The following DENND1A variants were observed in gnomAD, a reference collection of about 807,000 sequenced individuals.
The protein encoded by DENND1A is DENN domain containing 1A.
In DENND1A, 51 loss-of-function variants were observed where a neutral mutation model predicts 113.7. The ratio of observed to expected loss-of-function variants is 0.45; its 90% confidence interval spans 0.36 to 0.57. The LOEUF is 0.57. Among genes scored for constraint, DENND1A ranks in the 20% least tolerant of loss-of-function variants. The probability of loss-of-function intolerance (pLI) is 0.00; values close to 1 mark genes in which losing one functional copy is unlikely to be tolerated. For synonymous variants in DENND1A, 565 were observed against 570.8 expected (o/e 0.99, Z 0.14); for missense variants, 1,258 against 1,395.9 (o/e 0.90, Z 1.57).
chr9:123,588,644 G>GGGGA (rs2059313741), intron 11 of DENND1A, among the ~76,000 whole-genome samples: 1 of 118,418 alleles, frequency 8.4e-6, no homozygotes, highest in East Asian at 3.0e-4. Flanking sequence ...GGGGGGGGGG[G>GGGGA]AAGAGAAAAG....
rs754417395 is a variant in DENND1A at position 123,383,837 on chromosome 9, G to A, written c.1837C>T (p.Arg613Trp). The A allele has an allele frequency of 6.2e-6, 10 of 1,613,682 alleles. No individual in the cohort carries two copies. In the East Asian group the frequency reaches 8.9e-5, roughly 14 times the overall value. The change falls in exon 23 of 24, where the codon CGG becomes TGG. Residue 613 changes from arginine to tryptophan, a missense_variant. Arg to Trp is a moderately radical substitution (Grantham distance 101). Transcript: ENST00000394215. ...GCTGGGACAGGGCCTGTGGACTTCC[G>A]CACTTGCTGCTCTGGACTCTCTGCC... The part of the protein sequence containing the change: ...DEAESPEQQV[R>W]KSTGPVPAPP...
At chr9:123,877,749 G>A (rs188239936) in intron 2 of DENND1A, among the ~76,000 whole-genome samples, 413 of 151,842 alleles carry the variant, frequency 2.7e-3, no homozygotes, top group African/African-American at 9.7e-3. Context: ...CTTGACCCAG[G>A]AGGCGGAAGC....
intron 2 of DENND1A, among the ~76,000 whole-genome samples, chr9:123,826,357 C>T (rs1051718397): frequency 1.3e-5 from 2 of 152,064 alleles, no homozygotes; most frequent in Non-Finnish European, 1.5e-5. Context: ...GAACTGTGAT[C>T]ACTCCACTGC....
In DENND1A at chr9:123,387,965, C is replaced by G. The variant is rs544289046; in HGVS notation, c.1632-107G>C. 112 of 1,147,874 alleles carry G rather than the reference C, an allele frequency of 9.8e-5. No homozygotes were observed. The African/African-American group carries it at 1.5e-3, about 15-fold the overall frequency. 71.1% of individuals were successfully genotyped at this position (1,147,874 alleles called of 1,614,324 possible). A position where few individuals can be genotyped will look rare whatever the true frequency, so the allele number is the denominator to read the frequency against. ...CTCTGGGCTCCACGCCTGGCCCTGC[C>G]TCTGTGTGCCAGCCTGGGGTGGGGG... On this transcript the variant is annotated intron_variant, in intron 21 of 23. Transcript: ENST00000394215.
At chr9:123,823,195 AG>A (rs1260227869) in intron 2 of DENND1A, among the ~76,000 whole-genome samples, 1 of 152,240 alleles carries the variant, frequency 6.6e-6, no homozygotes, top group African/African-American at 2.4e-5. Context: ...AACGCAAAAA[AG>A]AAAAAGCACA....
chr9:123,686,336 G>C (rs1399792515), intron 5 of DENND1A, among the ~76,000 whole-genome samples: 1 of 152,202 alleles, frequency 6.6e-6, no homozygotes, highest in Non-Finnish European at 1.5e-5. Context: ...TTCTCAGTCT[G>C]ACCTGCTCTA....
At chr9:123,408,744 G>A (rs779139901) in intron 20 of DENND1A, among the ~76,000 whole-genome samples, 4 of 152,174 alleles carry the variant, frequency 2.6e-5, no homozygotes, top group South Asian at 2.1e-4. Context: ...CTCTCACAGC[G>A]TCTGTCTCCC....
chr9:123,442,680 G>A (rs2047015744), intron 18 of DENND1A, among the ~76,000 whole-genome samples: 1 of 152,026 alleles, frequency 6.6e-6, no homozygotes, highest in Non-Finnish European at 1.5e-5. Context: ...TAGTTATTTA[G>A]AAAAAAAGAA....
At chr9:123,448,789 TAGTC>T (rs1336655006) in intron 18 of DENND1A, among the ~76,000 whole-genome samples, 1 of 152,250 alleles carries the variant, frequency 6.6e-6, no homozygotes, top group African/African-American at 2.4e-5. Context: ...TTTAAATGCT[TAGTC>T]AGAGCAAATT....
chr9:123,537,956 C>A (rs1041561663), intron 13 of DENND1A, among the ~76,000 whole-genome samples: 2 of 152,204 alleles, frequency 1.3e-5, no homozygotes, highest in African/African-American at 4.8e-5. Flanking sequence ...GAGGCATCAC[C>A]ATTAGGACTG....
At chr9:123,700,822 A>C (rs530457374) in intron 5 of DENND1A, among the ~76,000 whole-genome samples, 15 of 152,236 alleles carry the variant, frequency 9.9e-5, no homozygotes, top group Non-Finnish European at 2.1e-4. Context: ...GACAACATGG[A>C]ATCCTTGAAT....
chr9:123,878,185 A>G (rs1024656256), intron 2 of DENND1A, among the ~76,000 whole-genome samples: 2 of 149,002 alleles, frequency 1.3e-5, no homozygotes, highest in Non-Finnish European at 2.9e-5. Context: ...CCTGGGCAAC[A>G]AGAGCAAAAC....
chr9:123,809,638 T>C (rs7047380), intron 2 of DENND1A, among the ~76,000 whole-genome samples: 3,514 of 152,304 alleles, frequency 0.023, 149 homozygotes, highest in African/African-American at 0.079. Context: ...GATTTTTCAA[T>C]GGAGAAAAAT....
At chr9:123,518,263 A>G (rs559045379) in intron 13 of DENND1A, among the ~76,000 whole-genome samples, 49 of 152,376 alleles carry the variant, frequency 3.2e-4, no homozygotes, top group African/African-American at 9.4e-4. Context: ...TAGTTGTAAA[A>G]TAGACTCAGA....
intron 2 of DENND1A, among the ~76,000 whole-genome samples, chr9:123,851,442 T>C (rs768113877): frequency 1.3e-5 from 2 of 152,204 alleles, no homozygotes; most frequent in African/African-American, 2.4e-5. Context: ...CAATAAATGA[T>C]GTTAAAATTA....
At chr9:123,634,263 A>G (rs2061606148) in intron 9 of DENND1A, among the ~76,000 whole-genome samples, 1 of 152,242 alleles carries the variant, frequency 6.6e-6, no homozygotes, top group Non-Finnish European at 1.5e-5. Context: ...TGCTCATTTC[A>G]TTAGTGGGTT....
At chr9:123,859,814 C>T (rs1458515554) in intron 2 of DENND1A, among the ~76,000 whole-genome samples, 1 of 151,960 alleles carries the variant, frequency 6.6e-6, no homozygotes, top group Non-Finnish European at 1.5e-5. Context: ...TTGGTTGAGA[C>T]ATATTGGGAA....
At chr9:123,458,483 G>A (rs552328947) in intron 13 of DENND1A, among the ~76,000 whole-genome samples, 11 of 152,090 alleles carry the variant, frequency 7.2e-5, no homozygotes, top group East Asian at 1.9e-4. Context: ...GAGTCATCCC[G>A]CAAAGTCACA....
chr9:123,414,379 T>C (rs2044552677), intron 19 of DENND1A: 1 of 1,429,176 alleles, frequency 7.0e-7, no homozygotes, highest in Non-Finnish European at 9.1e-7. Context: ...CCTACATTTG[T>C]TTCCAGAGAG....
Sources: gnomAD v4.1 joint callset for allele counts (sites outside exome capture counted in the v4.1 genomes callset) on GRCh38, gnomAD v4.1.1 for gene constraint, MANE v1.5 for transcripts, NCBI Gene and HGNC (gene_info 2026-07-23, HGNC 2026-07-21) for gene names.